Variants in TRIM2 observed in about 807,000 individuals in gnomAD.
TRIM2 encodes tripartite motif containing 2.
TRIM2 carries 20 observed loss-of-function variants against 75.2 expected under a neutral mutation model. The observed-to-expected ratio is 0.27, with a 90% CI of 0.19 to 0.39. The LOEUF (loss-of-function observed/expected upper bound fraction) is 0.39, where lower values mean the gene tolerates loss of function less well. TRIM2 is among the 10% of genes least tolerant of loss of function. The pLI, the probability that TRIM2 is intolerant of heterozygous loss-of-function variation, is 1.00. For synonymous variants in TRIM2, 373 were observed against 388.3 expected (o/e 0.96, Z 0.46); for missense variants, 660 against 990.8 (o/e 0.67, Z 4.48).
At chr4:153,203,537 G>A (rs1457322939), upstream of TRIM2, among the ~76,000 whole-genome samples, 1 of 150,132 alleles carries the variant, frequency 6.7e-6, no homozygotes, top group African/African-American at 2.5e-5. Context: ...GCAGTGAGCT[G>A]AGATCACACT....
intron 1 of TRIM2, among the ~76,000 whole-genome samples, chr4:153,215,609 T>G (rs1738274180): frequency 6.6e-6 from 1 of 152,192 alleles, no homozygotes; most frequent in Admixed American, 6.5e-5. Flanking sequence ...CTTTGTGATA[T>G]TCCGTTGAGC....
intron 6 of TRIM2, among the ~76,000 whole-genome samples, chr4:153,314,401 C>G (rs1277720399): frequency 2.8e-5 from 3 of 108,904 alleles, no homozygotes; most frequent in African/African-American, 1.3e-4. Context: ...GCCTGGGCGA[C>G]AGAGCGAGAC....
At chr4:153,301,714 G>T (rs1763962333) in intron 6 of TRIM2, among the ~76,000 whole-genome samples, 1 of 152,144 alleles carries the variant, frequency 6.6e-6, no homozygotes, top group Admixed American at 6.5e-5. Context: ...ATGTAGACAT[G>T]CAGTTTTCCT....
intron 3 of TRIM2, 29 bp downstream of exon 3, chr4:153,276,159 C>A (rs552754585): frequency 6.3e-7 from 1 of 1,583,286 alleles, no homozygotes; most frequent in South Asian, 1.1e-5. Flanking sequence ...AGATACTGCC[C>A]GGGAGCATGA....
intron 11 of TRIM2, 59 bp from the exon 12 acceptor site, chr4:153,334,755 A>G (rs1178756029): frequency 6.9e-7 from 1 of 1,445,142 alleles, no homozygotes; most frequent in Non-Finnish European, 9.5e-7. Flanking sequence ...TTTCTAACCC[A>G]TGTTCAGCAT....
At chr4:153,162,391 G>C (rs1292708452) in intron 1 of TRIM2, among the ~76,000 whole-genome samples, 1 of 152,136 alleles carries the variant, frequency 6.6e-6, no homozygotes. Flanking sequence ...CCAATTCCAA[G>C]GCCTTCAGTC....
intron 3 of TRIM2, among the ~76,000 whole-genome samples, chr4:153,289,686 C>T (rs1761435074): frequency 6.6e-6 from 1 of 152,204 alleles, no homozygotes. Flanking sequence ...GTATTTGCAA[C>T]TTCTAAATGC....
chr4:153,311,726 A>ATTTT, intron 6 of TRIM2, among the ~76,000 whole-genome samples: 1 of 138,426 alleles, frequency 7.2e-6, no homozygotes, highest in Non-Finnish European at 1.6e-5. Context: ...GTGTTTATCA[A>ATTTT]TTTTTTTTTT....
intron 1 of TRIM2, among the ~76,000 whole-genome samples, chr4:153,244,414 CTTCTTCTTCTTCTTCT>C (rs1560875446): frequency 1.0e-5 from 1 of 97,382 alleles, no homozygotes; most frequent in Admixed American, 1.2e-4. Context: ...TCTTCTTCTT[CTTCTTCTTCTTCTTCT>C]TCTTCTTTTA....
At chr4:153,234,820 A>G (rs1744584913) in intron 1 of TRIM2, among the ~76,000 whole-genome samples, 1 of 152,176 alleles carries the variant, frequency 6.6e-6, no homozygotes, top group East Asian at 1.9e-4. Flanking sequence ...CTAGAACTAT[A>G]ACTCAGCAGC....
upstream of TRIM2, among the ~76,000 whole-genome samples, chr4:153,201,526 T>C (rs1168436202): frequency 6.6e-6 from 1 of 152,068 alleles, no homozygotes; most frequent in African/African-American, 2.4e-5. Flanking sequence ...GATAATGTCT[T>C]TTGAAGCACA....
intron 1 of TRIM2, among the ~76,000 whole-genome samples, chr4:153,240,802 G>T (rs1307109281): frequency 6.6e-6 from 1 of 152,196 alleles, no homozygotes; most frequent in Non-Finnish European, 1.5e-5. Flanking sequence ...TCCCTGGCCG[G>T]GCGTGGTGGC....
chr4:153,177,224 G>C (rs1731534337), intron 1 of TRIM2, among the ~76,000 whole-genome samples: 1 of 152,224 alleles, frequency 6.6e-6, no homozygotes, highest in South Asian at 2.1e-4. Flanking sequence ...CTTGTCATAA[G>C]ACGAGGTTCT....
intron 11 of TRIM2, among the ~76,000 whole-genome samples, chr4:153,332,372 C>T (rs1228589185): frequency 6.6e-6 from 1 of 152,266 alleles, no homozygotes; most frequent in South Asian, 2.1e-4. Flanking sequence ...CGGCTGGGTG[C>T]TGTGGCTCAC....
chr4:153,261,524 G>A (rs60600491), intron 1 of TRIM2, among the ~76,000 whole-genome samples: 136 of 152,300 alleles, frequency 8.9e-4, no homozygotes, highest in African/African-American at 3.2e-3. Context: ...CTGTAGGAAT[G>A]TAATTGAGTA....
In TRIM2 at chr4:153,328,662, A is replaced by G. The variant is rs1423314622; in HGVS notation, c.2155A>G (p.Arg719Gly). ...NIIVADWGNSRIQVFDGSGSF... is the reference protein window; with the variant it reads ...NIIVADWGNSGIQVFDGSGSF... ...CATTGTGGCCGACTGGGGAAACAGC[A>G]GGATCCAGGTAGATCAATGTGCTAA... The change falls in exon 11 of 12, where the codon AGG (arginine) becomes GGG (glycine). Residue 719 changes from arginine (R) to glycine (G), a missense_variant. Transcript: ENST00000338700. 1 of 1,611,430 alleles carries G rather than the reference A, an allele frequency of 6.2e-7. No homozygotes were observed. The highest frequency in any genetic ancestry group is 1.3e-5 in the African/African-American group (1 of 74,842).
In TRIM2 at chr4:153,309,461, G is replaced by T. The variant is rs1765760998; in HGVS notation, c.1511-6024G>T. On this transcript the variant is annotated intron_variant, in intron 6 of 11. Transcript: ENST00000338700. ...CATTTTGTTTTCCAGTGATACAATGGGGGTTGTAATTTACTCACTCATTAA... is the reference window on the plus strand; with the variant it reads ...CATTTTGTTTTCCAGTGATACAATGTGGGTTGTAATTTACTCACTCATTAA... 2.0e-5 allele frequency among the ~76,000 whole-genome samples: 3 copies of T among 151,988 alleles called. 1 individual carries two copies. The highest frequency in any genetic ancestry group is 2.9e-5 in the Non-Finnish European group (2 of 67,998).
intron 1 of TRIM2, among the ~76,000 whole-genome samples, chr4:153,183,845 A>G (rs1018644645): frequency 6.6e-6 from 1 of 152,318 alleles, no homozygotes; most frequent in Admixed American, 6.5e-5. Context: ...AAGGGAGACA[A>G]TCTCCTTGCA....
chr4:153,294,470 T>C lies in TRIM2; in HGVS notation c.771T>C (p.Tyr257=), dbSNP rs1270954692. Residue 257 remains tyrosine (Y), a synonymous_variant, in exon 5 of 12, where the codon TAT becomes TAC. Transcript: ENST00000338700. The stretch of plus-strand genomic sequence containing the variant: ...TGCTTATGGAATTGGAGGTCAACTA[T>C]GGCCTCAAACACAAAGTAAGACCAG... ...SVLLMELEVN[Y]GLKHKVLQSQ... 1.2e-6 allele frequency: 2 copies of C among 1,613,810 alleles called. No homozygotes were observed. The highest frequency in any genetic ancestry group is 2.2e-5 in the East Asian group (1 of 44,884).
Sources: gnomAD v4.1 joint callset for allele counts (sites outside exome capture counted in the v4.1 genomes callset) on GRCh38, gnomAD v4.1.1 for gene constraint, MANE v1.5 for transcripts, NCBI Gene and HGNC (gene_info 2026-07-23, HGNC 2026-07-21) for gene names.